The following ITGB6 variants were observed in gnomAD, a reference collection of about 807,000 sequenced individuals.
The protein encoded by ITGB6 is integrin subunit beta 6.
A neutral mutation model predicts 84.5 loss-of-function variants in ITGB6; 80 were observed. The ratio of observed to expected loss-of-function variants is 0.95; its 90% CI spans 0.79 to 1.14. The LOEUF (loss-of-function observed/expected upper bound fraction) is 1.14. ITGB6 is among the 50% of genes most tolerant of loss of function. The pLI is 0.00. For missense variants in ITGB6, 1,006 were observed against 968.0 expected (o/e 1.04, Z -0.52); for synonymous variants, 383 against 354.9 (o/e 1.08, Z -0.89).
rs1374126050 is a variant in ITGB6, at chr2:160,196,344, T to C, written c.218A>G (p.Asn73Ser). 5 of 1,614,088 alleles carry C rather than the reference T, an allele frequency of 3.1e-6. No individual in the cohort carries two copies. The East Asian group carries it at 1.1e-4, about 36-fold the overall frequency. ...TTGGGAGACAGGGTTTTCGATGAAG[T>C]TTAATTGACATCCTTTAGCTAAAAG... ...ANLLAKGCQLNFIENPVSQVE... is the reference protein window; with the variant it reads ...ANLLAKGCQLSFIENPVSQVE... The change falls in exon 3 of 15, where the codon AAC becomes AGC. Residue 73 changes from asparagine (N) to serine (S), a missense_variant. By Grantham distance (46) the Asn-to-Ser change is conservative. Transcript: ENST00000283249.
intron 7 of ITGB6, 85 bp from the exon 8 acceptor site, chr2:160,142,156 G>A: frequency 1.3e-6 from 1 of 792,856 alleles, no homozygotes. Flanking sequence ...GGCTATGATT[G>A]CCTCTATTTA....
chr2:160,116,289 G>C (rs1190089417), intron 12 of ITGB6, among the ~76,000 whole-genome samples: 3 of 151,768 alleles, frequency 2.0e-5, no homozygotes, highest in African/African-American at 4.8e-5. Context: ...ACAAAGGGAA[G>C]CCCATCAGAC....
At chr2:160,182,717 G>C (rs369960111) in intron 4 of ITGB6, among the ~76,000 whole-genome samples, 4 of 152,210 alleles carry the variant, frequency 2.6e-5, no homozygotes, top group Admixed American at 6.5e-5. Context: ...TGAAATGAAG[G>C]AAAAATGTTA....
chr2:160,116,853 G>A (rs1337053274), intron 12 of ITGB6, among the ~76,000 whole-genome samples: 2 of 151,126 alleles, frequency 1.3e-5, no homozygotes, highest in African/African-American at 2.4e-5. Flanking sequence ...AAAAAGGCAG[G>A]GGTTGCAATC....
rs182465428 is a variant in ITGB6 at position 160,173,944 on chromosome 2, C to G, written c.759+30G>C. The G allele has an allele frequency of 1.8e-5, 29 of 1,568,428 alleles. No homozygotes were observed. The African/African-American group carries it at 2.1e-4, about 11-fold the overall frequency. ...TAATAAGAGATGAATTTTATGTTAA[C>G]AGAGTGAAACAGCACTCCCTTCAGC... On this transcript the variant is annotated intron_variant, in intron 5 of 14. Coordinates refer to ENST00000283249, the MANE Select transcript of ITGB6 (RefSeq NM_000888.5).
At chr2:160,171,866 G>A (rs1440573845) in intron 6 of ITGB6, among the ~76,000 whole-genome samples, 1 of 152,206 alleles carries the variant, frequency 6.6e-6, no homozygotes, top group Non-Finnish European at 1.5e-5. Flanking sequence ...GGGCAGTAAT[G>A]ACTGAACTGG....
At chr2:160,177,055 T>C (rs1383107267) in intron 4 of ITGB6, among the ~76,000 whole-genome samples, 1 of 152,198 alleles carries the variant, frequency 6.6e-6, no homozygotes, top group Non-Finnish European at 1.5e-5. Flanking sequence ...TTTGTATCCA[T>C]TGCCATCTGT....
intron 13 of ITGB6, among the ~76,000 whole-genome samples, chr2:160,111,232 C>T (rs1297602857): frequency 6.6e-6 from 1 of 151,318 alleles, no homozygotes; most frequent in Non-Finnish European, 1.5e-5. Flanking sequence ...TCGTTTTTTT[C>T]AATAGAATCA....
intron 7 of ITGB6, among the ~76,000 whole-genome samples, chr2:160,152,457 A>C (rs1192722007): frequency 6.6e-6 from 1 of 152,220 alleles, no homozygotes; most frequent in Non-Finnish European, 1.5e-5. Context: ...TCAAAATAAT[A>C]AGAGCTATTT....
In ITGB6 at chr2:160,126,375, T is replaced by C. The variant is rs1683240459; in HGVS notation, c.1883+4A>G. 3.7e-6 allele frequency: 6 copies of C among 1,613,210 alleles called. No homozygotes were observed. Among genetic ancestry groups the C allele is most frequent in the Non-Finnish European group, 5.1e-6 (6 of 1,179,168 alleles). ...TAAGGAATGGAGAAAAGCAGAGACA[T>C]TACCGTTTAGAGTTACAGGGGTCAC... is the stretch of plus-strand genomic sequence containing the variant. On this transcript the variant is annotated splice_donor_region_variant and intron_variant, in intron 11 of 14. Coordinates refer to ENST00000283249, the MANE Select transcript of ITGB6 (RefSeq NM_000888.5).
At chr2:160,147,178 AAAG>A (rs1684230124) in intron 7 of ITGB6, among the ~76,000 whole-genome samples, 1 of 152,038 alleles carries the variant, frequency 6.6e-6, no homozygotes, top group Admixed American at 6.6e-5. Flanking sequence ...TGAAAGAAAG[AAAG>A]AAGAAAGAAA....
At chr2:160,112,033 C>T in intron 13 of ITGB6, 47 bp downstream of exon 13, 1 of 1,591,856 alleles carries the variant, frequency 6.3e-7, no homozygotes, top group Non-Finnish European at 8.6e-7. Flanking sequence ...TTTCTCTTCT[C>T]CTGTGTAGTA....
chr2:160,186,964 G>T (rs929879119), intron 4 of ITGB6, among the ~76,000 whole-genome samples: 7 of 151,806 alleles, frequency 4.6e-5, no homozygotes, highest in Non-Finnish European at 7.4e-5. Context: ...GGGCCTGTCG[G>T]GGGGGTGGGA....
intron 12 of ITGB6, among the ~76,000 whole-genome samples, chr2:160,114,530 A>G (rs1473998953): frequency 6.6e-6 from 1 of 152,206 alleles, no homozygotes; most frequent in Non-Finnish European, 1.5e-5. Context: ...GGTGGAGCCA[A>G]GATGGCCGAA....
intron 4 of ITGB6, among the ~76,000 whole-genome samples, chr2:160,181,324 G>C (rs1280504946): frequency 6.6e-6 from 1 of 152,192 alleles, no homozygotes; most frequent in African/African-American, 2.4e-5. Context: ...TGCCATTACT[G>C]AGGGTTGAGT....
rs768624598 is a variant in ITGB6, at chr2:160,137,716, C to A, written c.1378G>T (p.Val460Leu). 6.2e-7 allele frequency: 1 copy of A among 1,614,232 alleles called. No individual in the cohort carries two copies. The highest frequency in any genetic ancestry group is 8.5e-7 in the Non-Finnish European group (1 of 1,180,042). ...PECNCDCQKEVEVNSSKCHHG... is the reference protein window; with the variant it reads ...PECNCDCQKELEVNSSKCHHG... ...TGACATTTGGAGCTGTTCACTTCCA[C>A]TTCTTTCTGACAGTCGCAGTTGCAT... The change falls in exon 10 of 15, where the codon GTG (valine) becomes TTG (leucine). Residue 460 changes from valine to leucine, a missense_variant. Val to Leu is a conservative substitution (Grantham distance 32, BLOSUM62 1). Transcript: ENST00000283249.
At chr2:160,121,135 T>TA (rs1683019673) in intron 12 of ITGB6, among the ~76,000 whole-genome samples, 1 of 152,240 alleles carries the variant, frequency 6.6e-6, no homozygotes, top group Non-Finnish European at 1.5e-5. Flanking sequence ...GCCATATGTT[T>TA]AAGACCTCAG....
intron 12 of ITGB6, among the ~76,000 whole-genome samples, chr2:160,114,716 G>C (rs1302250651): frequency 6.6e-6 from 1 of 152,186 alleles, no homozygotes; most frequent in African/African-American, 2.4e-5. Context: ...TGCCTCACTC[G>C]GGAAGCACAA....
At chr2:160,120,853 T>C (rs1237873392) in intron 12 of ITGB6, among the ~76,000 whole-genome samples, 2 of 143,708 alleles carry the variant, frequency 1.4e-5, no homozygotes, top group African/African-American at 2.6e-5. Flanking sequence ...TAGGTGGGAA[T>C]TGAACAATGA....
Sources: gnomAD v4.1 joint callset for allele counts (sites outside exome capture counted in the v4.1 genomes callset) on GRCh38, gnomAD v4.1.1 for gene constraint, MANE v1.5 for transcripts, NCBI Gene and HGNC (gene_info 2026-07-23, HGNC 2026-07-21) for gene names.